PHACTR1: variants seen among roughly 807,000 people sequenced by gnomAD.
The protein encoded by PHACTR1 is RPEL repeat containing 1.
PHACTR1 carries 16 observed loss-of-function variants against 69.2 expected under a neutral mutation model. The ratio of observed to expected loss-of-function variants is 0.23; its 90% confidence interval spans 0.16 to 0.35. The LOEUF is 0.35. Ranked by LOEUF, PHACTR1 falls within the 10% of genes least tolerant of loss-of-function variation. PHACTR1 has a pLI of 1.00. For synonymous variants in PHACTR1, 312 were observed against 284.5 expected, an observed-to-expected ratio of 1.10 and a Z score of -0.97; for missense variants, 510 against 734.7, an observed-to-expected ratio of 0.69 and a Z score of 3.54.
intron 5 of PHACTR1, among the ~76,000 whole-genome samples, chr6:13,141,520 T>TCA (rs1355047872): frequency 6.6e-6 from 1 of 152,204 alleles, no homozygotes; most frequent in Admixed American, 6.5e-5. Flanking sequence ...GAAGTTGCAG[T>TCA]CACAAAAAAC....
chr6:13,163,667 A>G (rs1012959634), intron 6 of PHACTR1, among the ~76,000 whole-genome samples: 1 of 152,212 alleles, frequency 6.6e-6, no homozygotes, highest in African/African-American at 2.4e-5. Flanking sequence ...GCCTCATATT[A>G]TAGTATATCT....
chr6:13,219,506 T>G (rs1304886259), intron 8 of PHACTR1, among the ~76,000 whole-genome samples: 1 of 152,196 alleles, frequency 6.6e-6, no homozygotes, highest in Non-Finnish European at 1.5e-5. Context: ...CAAAACCCAC[T>G]GCACGACCCC....
At chr6:13,182,483 TTGTC>T in intron 6 of PHACTR1, 32 bp from the exon 7 acceptor site, 1 of 1,605,000 alleles carries the variant, frequency 6.2e-7, no homozygotes, top group Non-Finnish European at 8.5e-7. Flanking sequence ...AAGGCAGACA[TTGTC>T]TAACTCTGCA....
intron 4 of PHACTR1, among the ~76,000 whole-genome samples, chr6:12,981,654 G>C (rs544077935): frequency 6.6e-6 from 1 of 152,216 alleles, no homozygotes; most frequent in South Asian, 2.1e-4. Flanking sequence ...TCGCTGTCTT[G>C]ACTCATATTC....
chr6:13,225,634 A>G (rs891688090), intron 8 of PHACTR1, among the ~76,000 whole-genome samples: 22 of 152,104 alleles, frequency 1.4e-4, no homozygotes, highest in African/African-American at 5.3e-4. Flanking sequence ...GGAGCCTTCT[A>G]CCTTAAGGAA....
At chr6:13,124,637 C>A (rs1250680182) in intron 5 of PHACTR1, among the ~76,000 whole-genome samples, 1 of 152,170 alleles carries the variant, frequency 6.6e-6, no homozygotes, top group Non-Finnish European at 1.5e-5. Context: ...GCTGCCATAA[C>A]AAAATACCAC....
At chr6:13,104,188 A>C (rs901452185) in intron 5 of PHACTR1, among the ~76,000 whole-genome samples, 2 of 152,152 alleles carry the variant, frequency 1.3e-5, no homozygotes, top group African/African-American at 4.8e-5. Context: ...CTTCAAATTG[A>C]ATTTAGTTAA....
chr6:12,786,175 A>G (rs1394854145), intron 4 of PHACTR1, among the ~76,000 whole-genome samples: 1 of 152,186 alleles, frequency 6.6e-6, no homozygotes, highest in Non-Finnish European at 1.5e-5. Context: ...CTTTAAACAT[A>G]GTACAATGTT....
intron 3 of PHACTR1, among the ~76,000 whole-genome samples, chr6:12,737,001 GTATATACATATACA>G: frequency 6.6e-6 from 1 of 150,714 alleles, no homozygotes; most frequent in African/African-American, 2.4e-5. Flanking sequence ...ATATGTATAT[GTATATACATATACA>G]TATATATACC....
intron 10 of PHACTR1, among the ~76,000 whole-genome samples, chr6:13,233,312 C>G (rs892764141): frequency 1.7e-4 from 3 of 18,116 alleles, no homozygotes; most frequent in African/African-American, 7.5e-4. Context: ...GTAAATCAGC[C>G]CTTTCCCAAC....
intron 4 of PHACTR1, among the ~76,000 whole-genome samples, chr6:12,863,546 A>G (rs1362456139): frequency 1.3e-5 from 2 of 152,244 alleles, no homozygotes; most frequent in African/African-American, 4.8e-5. Flanking sequence ...AAGCCAGCAG[A>G]AAACAGATAA....
intron 7 of PHACTR1, among the ~76,000 whole-genome samples, chr6:13,195,171 C>T (rs930592858): frequency 4.6e-5 from 7 of 152,082 alleles, no homozygotes; most frequent in African/African-American, 1.7e-4. Context: ...TTTCTTGCAG[C>T]CAAGGGGAAT....
Position 12,771,184 on chromosome 6 carries a change from G to A in PHACTR1, c.250+21394G>A, listed in dbSNP as rs73360022. ...AAATATTTGGCAAGACATGATAAAG[G>A]CTTGAGTTAGAGCAGTAATAGGAAT... On this transcript the variant is annotated intron_variant, in intron 4 of 14. Coordinates refer to ENST00000332995, the MANE Select transcript of PHACTR1 (RefSeq NM_030948.6). Among the ~76,000 whole-genome samples, 423 of 152,272 alleles carry A rather than the reference G, an allele frequency of 2.8e-3. 2 individuals carry two copies. Among genetic ancestry groups the A allele is most frequent in the African/African-American group, 9.2e-3 (381 of 41,548 alleles).
intron 8 of PHACTR1, among the ~76,000 whole-genome samples, chr6:13,219,035 G>A (rs976191187): frequency 1.3e-5 from 2 of 152,142 alleles, no homozygotes; most frequent in Admixed American, 1.3e-4. Flanking sequence ...AAGAAGGCTT[G>A]GTAAAGGTCA....
intron 4 of PHACTR1, among the ~76,000 whole-genome samples, chr6:12,950,386 G>A (rs1429917556): frequency 2.0e-5 from 3 of 152,242 alleles, no homozygotes; most frequent in Non-Finnish European, 4.4e-5. Flanking sequence ...CTACCATACT[G>A]TGTGTAAGCA....
At chr6:13,259,847 A>C (rs1775669250) in intron 10 of PHACTR1, among the ~76,000 whole-genome samples, 1 of 152,218 alleles carries the variant, frequency 6.6e-6, no homozygotes. Context: ...CAGAAATTTG[A>C]AAATCATTGA....
intron 5 of PHACTR1, among the ~76,000 whole-genome samples, chr6:13,156,133 G>GT (rs1758140802): frequency 6.6e-6 from 1 of 152,170 alleles, no homozygotes; most frequent in African/African-American, 2.4e-5. Context: ...GGTACTCTGA[G>GT]TAAGTTCATT....
chr6:13,036,328 C>G (rs912740613), intron 4 of PHACTR1, among the ~76,000 whole-genome samples: 5 of 152,144 alleles, frequency 3.3e-5, no homozygotes, highest in Admixed American at 1.3e-4. Flanking sequence ...TTTGGCAAAA[C>G]TAAGCAACAA....
chr6:13,160,387 A>C, intron 6 of PHACTR1, 103 bp downstream of exon 6: 1 of 1,043,418 alleles, frequency 9.6e-7, no homozygotes, highest in Non-Finnish European at 1.5e-6. Flanking sequence ...ACCAGATATC[A>C]GGATTTGAAC....
Sources: allele counts gnomAD v4.1 joint callset (sites outside exome capture counted in the v4.1 genomes callset), GRCh38; gene constraint gnomAD v4.1.1; transcripts MANE v1.5; gene names NCBI Gene and HGNC (gene_info 2026-07-23, HGNC 2026-07-21).